CABLES1: variants seen among roughly 807,000 people sequenced by gnomAD.
The protein encoded by CABLES1 is Cdk5 and Abl enzyme substrate 1, also known as CDK5 and ABL1 enzyme substrate 1.
In CABLES1, 36 loss-of-function variants were observed where a neutral mutation model predicts 57.8. The ratio of observed to expected loss-of-function variants is 0.62; its 90% CI spans 0.48 to 0.82. The LOEUF is 0.82. Among genes scored for constraint, CABLES1 ranks in the 40% least tolerant of loss-of-function variants. The probability of loss-of-function intolerance (pLI) is 0.00; values close to 1 mark genes in which losing one functional copy is unlikely to be tolerated. For missense variants in CABLES1, 767 were observed against 836.6 expected (o/e 0.92, Z 1.03); for synonymous variants, 374 against 363.0 (o/e 1.03, Z -0.35).
chr18:23,137,393 G>A (rs938539698), intron 1 of CABLES1, among the ~76,000 whole-genome samples: 1 of 152,236 alleles, frequency 6.6e-6, no homozygotes, highest in South Asian at 2.1e-4. Flanking sequence ...CTAAGGGGCA[G>A]TCGGAGGTTG....
At chr18:23,212,574 T>A (rs1222487491) in intron 3 of CABLES1, among the ~76,000 whole-genome samples, 1 of 152,176 alleles carries the variant, frequency 6.6e-6, no homozygotes, top group African/African-American at 2.4e-5. Context: ...ATGACGGATA[T>A]TCAAGTGTTG....
rs199513652 is a variant in CABLES1, at chr18:23,257,193, A to G, written c.1762-34A>G. The G allele has an allele frequency of 7.5e-5, 120 of 1,606,380 alleles. 1 individual carries two copies. The Admixed American group carries it at 1.0e-3, about 13-fold the overall frequency. ...AGAAAGACTAGGATTTTAATTTCAA[A>G]ATGAACATGCTTTTGATTTTCTTTT... On this transcript the variant is annotated intron_variant, in intron 9 of 9. Transcript: ENST00000256925.
intron 1 of CABLES1, among the ~76,000 whole-genome samples, chr18:23,143,435 C>T (rs966138216): frequency 2.6e-5 from 4 of 152,250 alleles, no homozygotes; most frequent in African/African-American, 9.6e-5. Flanking sequence ...GGGTCCTCGT[C>T]TGTGAAATGG....
chr18:23,236,006 C>G lies in CABLES1; in HGVS notation c.1297C>G (p.Leu433Val), dbSNP rs774213584. 1.2e-6 allele frequency: 2 copies of G among 1,614,246 alleles called. No individual in the cohort carries two copies. The highest frequency in any genetic ancestry group is 1.7e-6 in the Non-Finnish European group (2 of 1,180,052). Residue 433 changes from leucine to valine, a missense_variant, in exon 6 of 10, where the codon CTC (leucine) becomes GTC (valine). Coordinates refer to ENST00000256925, the MANE Select transcript of CABLES1 (RefSeq NM_001100619.3). ...GTTCCGTAACCTGAGCCACCGCAGC[C>G]TCTCCATAGGCCGGGCAAGCGGCAC... ...SQFRNLSHRS[L>V]SIGRASGTQG...
At chr18:23,252,854 C>G in intron 7 of CABLES1, 106 bp from the exon 8 acceptor site, 2 of 694,936 alleles carry the variant, frequency 2.9e-6, no homozygotes, top group Non-Finnish European at 2.5e-6. Flanking sequence ...GCAAGTTTTC[C>G]CGTTGCTCAT....
At chr18:23,138,749 C>T (rs1240880317) in intron 1 of CABLES1, among the ~76,000 whole-genome samples, 1 of 152,214 alleles carries the variant, frequency 6.6e-6, no homozygotes, top group Non-Finnish European at 1.5e-5. Flanking sequence ...TGGTGTGCCT[C>T]CCTGCTAGCC....
chr18:23,209,677 G>A (rs2047389817), intron 3 of CABLES1, among the ~76,000 whole-genome samples: 1 of 152,134 alleles, frequency 6.6e-6, no homozygotes, highest in Non-Finnish European at 1.5e-5. Flanking sequence ...TGTTGTAATG[G>A]AACATTTCAC....
At chr18:23,197,282 T>C (rs1413477266) in intron 3 of CABLES1, 1 of 152,234 alleles carries the variant, frequency 6.6e-6, no homozygotes, top group Non-Finnish European at 1.5e-5. Flanking sequence ...GACAGCTCCA[T>C]GTTCACCCGT....
intron 1 of CABLES1, among the ~76,000 whole-genome samples, chr18:23,161,953 G>C (rs1203744830): frequency 4.0e-5 from 6 of 151,814 alleles, no homozygotes; most frequent in Admixed American, 3.9e-4. Context: ...ATCACCTGAG[G>C]TCAAGAGTTT....
chr18:23,230,049 T>C (rs191356374), intron 4 of CABLES1, among the ~76,000 whole-genome samples: 1 of 152,254 alleles, frequency 6.6e-6, no homozygotes, highest in Admixed American at 6.5e-5. Flanking sequence ...ATTTTTTAGA[T>C]CCCAAGAGTC....
At chr18:23,144,819 T>G (rs1283780204) in intron 1 of CABLES1, among the ~76,000 whole-genome samples, 2 of 152,190 alleles carry the variant, frequency 1.3e-5, no homozygotes, top group African/African-American at 4.8e-5. Context: ...GGTGGGAATA[T>G]TTACACCACA....
chr18:23,243,564 CAA>C (rs2047795406), intron 7 of CABLES1, among the ~76,000 whole-genome samples: 1 of 144,916 alleles, frequency 6.9e-6, no homozygotes, highest in Non-Finnish European at 1.5e-5. Context: ...GCCTCTTTTA[CAA>C]TTCATTTTTT....
chr18:23,229,556 C>T (rs1198351224), intron 4 of CABLES1, among the ~76,000 whole-genome samples: 1 of 152,214 alleles, frequency 6.6e-6, no homozygotes, highest in Non-Finnish European at 1.5e-5. Flanking sequence ...GCTCTATTTC[C>T]TGGTGCTGGA....
intron 4 of CABLES1, among the ~76,000 whole-genome samples, chr18:23,219,523 G>T (rs1052767469): frequency 2.0e-5 from 3 of 152,208 alleles, no homozygotes; most frequent in Admixed American, 6.5e-5. Flanking sequence ...CTCAGGCAGG[G>T]CCTGCCCTGT....
chr18:23,245,833 G>A (rs1048410809), intron 7 of CABLES1, among the ~76,000 whole-genome samples: 4 of 152,256 alleles, frequency 2.6e-5, no homozygotes, highest in East Asian at 3.8e-4. Flanking sequence ...CTCCATGAGC[G>A]GAATGAGCAC....
intron 1 of CABLES1, among the ~76,000 whole-genome samples, chr18:23,139,993 C>T (rs1033124384): frequency 6.6e-6 from 1 of 152,148 alleles, no homozygotes; most frequent in Non-Finnish European, 1.5e-5. Context: ...GCTATTTCAC[C>T]ATCTCTATTC....
intron 1 of CABLES1, among the ~76,000 whole-genome samples, chr18:23,164,802 C>T (rs757364525): frequency 9.2e-5 from 14 of 151,958 alleles, no homozygotes; most frequent in African/African-American, 2.7e-4. Context: ...GACAAAGTCT[C>T]GCTTTGTCTC....
intron 1 of CABLES1, among the ~76,000 whole-genome samples, chr18:23,172,085 T>C (rs2047086665): frequency 6.6e-6 from 1 of 152,200 alleles, no homozygotes; most frequent in African/African-American, 2.4e-5. Flanking sequence ...CACACCTGGC[T>C]AACTTTTTGT....
chr18:23,236,372 A>G (rs942615061), intron 6 of CABLES1, among the ~76,000 whole-genome samples: 2 of 151,758 alleles, frequency 1.3e-5, no homozygotes, highest in Non-Finnish European at 2.9e-5. Context: ...GTTCTGTCCT[A>G]TATTTTCATG....
Sources: allele counts gnomAD v4.1 joint callset (sites outside exome capture counted in the v4.1 genomes callset), GRCh38; gene constraint gnomAD v4.1.1; transcripts MANE v1.5; gene names NCBI Gene and HGNC (gene_info 2026-07-23, HGNC 2026-07-21).